The following SCAF8 variants were observed in gnomAD, a reference collection of about 807,000 sequenced individuals.
The protein encoded by SCAF8 is SR-related and CTD-associated factor 8.
SCAF8 carries 23 observed loss-of-function variants against 140.5 expected under a neutral mutation model. That is an observed-to-expected ratio of 0.16 (90% confidence interval 0.12 to 0.23). The LOEUF (loss-of-function observed/expected upper bound fraction) is 0.23, where lower values mean the gene tolerates loss of function less well. Among genes scored for constraint, SCAF8 ranks in the 10% least tolerant of loss-of-function variants. The pLI is 1.00. For synonymous variants in SCAF8, 575 were observed against 528.9 expected, an observed-to-expected ratio of 1.09 and a Z score of -1.20; for missense variants, 1,397 against 1,555.7, an observed-to-expected ratio of 0.90 and a Z score of 1.72.
intron 17 of SCAF8, chr6:154,825,085 A>T (rs1016154268): frequency 6.6e-6 from 1 of 152,218 alleles, no homozygotes; most frequent in Non-Finnish European, 1.5e-5. Flanking sequence ...CCTAAGAATC[A>T]GTAGGCTCCA....
chr6:154,764,713 A>G (rs550802139), intron 1 of SCAF8, among the ~76,000 whole-genome samples: 1 of 152,326 alleles, frequency 6.6e-6, no homozygotes, highest in African/African-American at 2.4e-5. Context: ...CCTTCGCAGC[A>G]TGTAGCCATG....
chr6:154,753,226 GA>G (rs1014672440), intron 1 of SCAF8, among the ~76,000 whole-genome samples: 2 of 152,128 alleles, frequency 1.3e-5, no homozygotes, highest in Non-Finnish European at 2.9e-5. Context: ...GCACTTTTGG[GA>G]GGCCAAAGCA....
At chr6:154,782,071 C>T (rs761919271) in intron 3 of SCAF8, among the ~76,000 whole-genome samples, 4 of 152,078 alleles carry the variant, frequency 2.6e-5, no homozygotes, top group Non-Finnish European at 5.9e-5. Flanking sequence ...TGGCCTTGTC[C>T]TAATTAATTT....
chr6:154,795,197 A>T, intron 6 of SCAF8, 58 bp downstream of exon 6: 1 of 1,455,740 alleles, frequency 6.9e-7, no homozygotes, highest in Non-Finnish European at 9.2e-7. Flanking sequence ...TTCCTAATGT[A>T]TTACTTTGTA....
chr6:154,812,292 C>CT (rs759236847), intron 12 of SCAF8, among the ~76,000 whole-genome samples: 14,391 of 38,682 alleles, frequency 0.37, 4,032 homozygotes, highest in Non-Finnish European at 0.54. Flanking sequence ...TCTATGTCAG[C>CT]TTTTTTTTTT....
At chr6:154,759,660 A>G (rs570842610) in intron 1 of SCAF8, among the ~76,000 whole-genome samples, 13 of 138,962 alleles carry the variant, frequency 9.4e-5, no homozygotes, top group African/African-American at 3.7e-4. Context: ...CAGATGTCAT[A>G]ATAATTTTTT....
chr6:154,827,380 A>G, intron 18 of SCAF8, 140 bp downstream of exon 18: 1 of 610,260 alleles, frequency 1.6e-6, no homozygotes, highest in Non-Finnish European at 2.8e-6. Context: ...TTTCTAAAAT[A>G]CGGTAAATGA....
intron 18 of SCAF8, among the ~76,000 whole-genome samples, chr6:154,830,630 T>A (rs959538167): frequency 6.6e-6 from 1 of 152,240 alleles, no homozygotes; most frequent in African/African-American, 2.4e-5. Context: ...CTGGCATTCC[T>A]AGAAAATTAT....
intron 1 of SCAF8, among the ~76,000 whole-genome samples, chr6:154,746,574 A>G (rs1186084916): frequency 1.3e-5 from 2 of 152,224 alleles, no homozygotes; most frequent in African/African-American, 4.8e-5. Context: ...GGCTTTTGTT[A>G]TCTACAATAT....
At chr6:154,734,622 C>T (rs191557833) in intron 1 of SCAF8, among the ~76,000 whole-genome samples, 5 of 152,210 alleles carry the variant, frequency 3.3e-5, no homozygotes, top group East Asian at 3.9e-4. Context: ...AAACATTTCT[C>T]GCTGGTTCAT....
intron 1 of SCAF8, among the ~76,000 whole-genome samples, chr6:154,742,889 A>G (rs1778606796): frequency 1.3e-5 from 2 of 152,218 alleles, no homozygotes; most frequent in African/African-American, 4.8e-5. Context: ...GTAGGATTTC[A>G]TTCTTTCATT....
At chr6:154,802,521 G>A (rs376989350) in intron 7 of SCAF8, among the ~76,000 whole-genome samples, 1 of 152,036 alleles carries the variant, frequency 6.6e-6, no homozygotes, top group African/African-American at 2.4e-5. Flanking sequence ...GGAGGCTGAG[G>A]AAGGAGAATT....
intron 1 of SCAF8, among the ~76,000 whole-genome samples, chr6:154,758,949 A>G (rs1779032301): frequency 6.6e-6 from 1 of 152,074 alleles, no homozygotes; most frequent in South Asian, 2.1e-4. Context: ...AGTATTGGCT[A>G]CACCTTTCTG....
intron 6 of SCAF8, among the ~76,000 whole-genome samples, chr6:154,797,801 T>G (rs1205986115): frequency 6.6e-6 from 1 of 151,574 alleles, no homozygotes; most frequent in Non-Finnish European, 1.5e-5. Context: ...ATTCTCAATG[T>G]AACCTGTTAT....
At chr6:154,763,755 A>G (rs1776470663) in intron 1 of SCAF8, among the ~76,000 whole-genome samples, 1 of 152,122 alleles carries the variant, frequency 6.6e-6, no homozygotes, top group Non-Finnish European at 1.5e-5. Flanking sequence ...AAAAGAAAAA[A>G]AAAACCCACA....
Position 154,745,570 on chromosome 6 carries a change from G to A in SCAF8, c.30+11640G>A, listed in dbSNP as rs74675760. 8.0e-3 allele frequency among the ~76,000 whole-genome samples: 1,220 copies of A among 152,018 alleles called. 16 individuals carry two copies. The highest frequency in any genetic ancestry group is 0.028 in the African/African-American group (1,162 of 41,446). The stretch of plus-strand genomic sequence containing the variant: ...TTAGATTTTTGGTAGAGAGGAGGTC[G>A]GGCTATGTTGCTCAGGCTGGGGTGT... On this transcript the variant is annotated intron_variant, in intron 1 of 19. Coordinates refer to ENST00000367178, the MANE Select transcript of SCAF8 (RefSeq NM_014892.5).
chr6:154,802,260 A>G, intron 7 of SCAF8, 113 bp downstream of exon 7: 1 of 526,048 alleles, frequency 1.9e-6, no homozygotes, highest in Non-Finnish European at 3.0e-6. Flanking sequence ...TCTCCTGTAC[A>G]CTGTATAAGA....
At chr6:154,770,388 A>ACACACACTCTCT (rs1384942827) in intron 1 of SCAF8, among the ~76,000 whole-genome samples, 10 of 141,994 alleles carry the variant, frequency 7.0e-5, no homozygotes, top group African/African-American at 2.6e-4. Flanking sequence ...ACACACACAC[A>ACACACACTCTCT]CTCTCTCTCT....
intron 1 of SCAF8, among the ~76,000 whole-genome samples, chr6:154,747,663 T>C (rs1326245358): frequency 6.6e-6 from 1 of 152,184 alleles, no homozygotes; most frequent in Admixed American, 6.5e-5. Context: ...TAAACAAGAA[T>C]TATAATCGAG....
Sources: gnomAD v4.1 joint callset for allele counts (sites outside exome capture counted in the v4.1 genomes callset) on GRCh38, gnomAD v4.1.1 for gene constraint, MANE v1.5 for transcripts, NCBI Gene and HGNC (gene_info 2026-07-23, HGNC 2026-07-21) for gene names.